The following DDO variants were observed in gnomAD, a reference collection of about 807,000 sequenced individuals.
DDO encodes D-aspartate oxidase, DDO.
In DDO, 16 loss-of-function variants were observed where a neutral mutation model predicts 16.8. The ratio of observed to expected loss-of-function variants is 0.95; its 90% CI spans 0.65 to 1.45. The LOEUF (loss-of-function observed/expected upper bound fraction) is 1.45. Ranked by LOEUF, DDO falls within the 40% of genes most tolerant of loss-of-function variation. DDO has a pLI of 0.00. For synonymous variants in DDO, 180 were observed against 167.2 expected (o/e 1.08, Z -0.59); for missense variants, 429 against 420.3 (o/e 1.02, Z -0.18).
chr6:110,396,434 C>T (rs1005408027), intron 4 of DDO, among the ~76,000 whole-genome samples: 2 of 152,206 alleles, frequency 1.3e-5, no homozygotes, highest in Admixed American at 6.5e-5. Context: ...ATCACATGAA[C>T]CTGCACTGCA....
chr6:110,402,710 G>C (rs941166769), intron 4 of DDO, among the ~76,000 whole-genome samples: 1 of 152,128 alleles, frequency 6.6e-6, no homozygotes, highest in African/African-American at 2.4e-5. Flanking sequence ...AAAAGAAAGC[G>C]AAAATAATGA....
chr6:110,408,328 A>G lies in DDO; in HGVS notation c.281+6T>C, dbSNP rs1773726201. 1 of 1,613,044 alleles carries G rather than the reference A, an allele frequency of 6.2e-7. No individual in the cohort carries two copies. Reference sequence around the variant, plus strand: ...CTCTAAAATAACTTCAAATTTCTTCACTTACCCTGATACCAAATGAACACC... The same window carrying G: ...CTCTAAAATAACTTCAAATTTCTTCGCTTACCCTGATACCAAATGAACACC... On this transcript the variant is annotated splice_donor_region_variant and intron_variant, in intron 3 of 4. Transcript: ENST00000368924.
chr6:110,406,797 C>G (rs12202801), intron 3 of DDO, among the ~76,000 whole-genome samples: 17,941 of 150,322 alleles, frequency 0.12, 1,286 homozygotes, highest in Middle Eastern at 0.18. Context: ...CTGATGGTCT[C>G]GGATGAAACA....
At chr6:110,407,897 C>G (rs1773710068) in intron 3 of DDO, among the ~76,000 whole-genome samples, 1 of 152,286 alleles carries the variant, frequency 6.6e-6, no homozygotes, top group East Asian at 1.9e-4. Flanking sequence ...AAATTTCCTT[C>G]TTTGGAATAT....
chr6:110,409,424 G>A (rs546717621), intron 2 of DDO, among the ~76,000 whole-genome samples: 1 of 152,274 alleles, frequency 6.6e-6, no homozygotes, highest in South Asian at 2.1e-4. Flanking sequence ...GGAGATGAGG[G>A]AACTGAGGCA....
intron 4 of DDO, among the ~76,000 whole-genome samples, chr6:110,397,411 A>G (rs1773326420): frequency 6.6e-6 from 1 of 152,144 alleles, no homozygotes; most frequent in African/African-American, 2.4e-5. Flanking sequence ...AAATTCTTAC[A>G]TTGTAGATTC....
chr6:110,392,367 A>G lies in DDO; in HGVS notation c.*408T>C. The G allele has an allele frequency of 1.0e-6, 1 of 989,042 alleles. No individual in the cohort carries two copies. The highest frequency in any genetic ancestry group is 1.2e-6 in the Non-Finnish European group (1 of 832,570). The allele number at this position is 989,042 out of a possible 1,614,324, so 61.3% of individuals were successfully genotyped here. A position where few individuals can be genotyped will look rare whatever the true frequency, so the allele number is the denominator to read the frequency against. ...TTCCAACATTCATATAAATCTGCAT[A>G]GGTCCTTGGACATCAGTTCTAAATA... is the stretch of plus-strand genomic sequence containing the variant. On this transcript the variant is annotated 3_prime_UTR_variant, in exon 5 of 5. Transcript: ENST00000368924.
chr6:110,410,322 C>A (rs1773810336), intron 2 of DDO, among the ~76,000 whole-genome samples: 1 of 152,240 alleles, frequency 6.6e-6, no homozygotes, highest in Non-Finnish European at 1.5e-5. Context: ...CCATGACTAG[C>A]TGGCAGCCTT....
At chr6:110,404,746 G>A (rs1562262886) in intron 4 of DDO, 28 bp downstream of exon 4, 1 of 1,609,908 alleles carries the variant, frequency 6.2e-7, no homozygotes, top group Non-Finnish European at 8.5e-7. Flanking sequence ...TGACAGATAA[G>A]GAAATATCAG....
chr6:110,399,139 G>C (rs1773389641), intron 4 of DDO, among the ~76,000 whole-genome samples: 1 of 152,192 alleles, frequency 6.6e-6, no homozygotes, highest in African/African-American at 2.4e-5. Flanking sequence ...TTCAAACTCT[G>C]TGGGGTTTTT....
At chr6:110,402,259 T>C (rs1443904173) in intron 4 of DDO, among the ~76,000 whole-genome samples, 4 of 152,232 alleles carry the variant, frequency 2.6e-5, no homozygotes, top group Non-Finnish European at 5.9e-5. Flanking sequence ...ATTGGCAGAA[T>C]ATGAATAAGG....
chr6:110,401,569 G>T (rs905193199), intron 4 of DDO, among the ~76,000 whole-genome samples: 1 of 151,870 alleles, frequency 6.6e-6, no homozygotes, highest in Admixed American at 6.6e-5. Context: ...TCAAAATGAT[G>T]GGGGGGATAA....
In DDO at chr6:110,392,461, C is replaced by T; in HGVS notation, c.*314G>A. ...TATGCCCTATGCCATTAATGCTGGA[C>T]TTCCTAAGTAAGCCTACATGTTGCA... On this transcript the variant is annotated 3_prime_UTR_variant, in exon 5 of 5. Coordinates refer to ENST00000368924, the MANE Select transcript of DDO (RefSeq NM_001372108.2). The T allele has an allele frequency of 9.4e-7, 1 of 1,068,314 alleles. No individual in the cohort carries two copies. Among genetic ancestry groups the T allele is most frequent in the Non-Finnish European group, 1.1e-6 (1 of 885,202 alleles). 66.2% of individuals were successfully genotyped at this position (1,068,314 alleles called of 1,614,324 possible).
chr6:110,405,475 T>G (rs1210963679), intron 3 of DDO, among the ~76,000 whole-genome samples: 1 of 152,232 alleles, frequency 6.6e-6, no homozygotes, highest in Admixed American at 6.5e-5. Context: ...AAAAGTAACA[T>G]GCTTTTTAAA....
chr6:110,392,866 G>A lies in DDO; in HGVS notation c.935C>T (p.Ser312Leu). ...CTCCAGAGCAGTGCCCCAGTGCACT[G>A]AGATGCCCCCACTCCCATGGCCATA... ...HHYGHGSGGI[S>L]VHWGTALEAA... Residue 312 changes from serine to leucine, a missense_variant, in exon 5 of 5, where the codon TCA becomes TTA. Transcript: ENST00000368924. 6.2e-7 allele frequency: 1 copy of A among 1,614,136 alleles called. No individual in the cohort carries two copies. The highest frequency in any genetic ancestry group is 8.5e-7 in the Non-Finnish European group (1 of 1,180,034).
chr6:110,389,368 C>G (rs1773064325), downstream of DDO, among the ~76,000 whole-genome samples: 1 of 152,232 alleles, frequency 6.6e-6, no homozygotes, highest in Non-Finnish European at 1.5e-5. Flanking sequence ...TGAGCCAACA[C>G]TCATAAGAAA....
rs756849278 is a variant in DDO at position 110,404,903 on chromosome 6, G to T, written c.329C>A (p.Ala110Asp). The T allele has an allele frequency of 1.9e-6, 3 of 1,614,224 alleles. No individual in the cohort carries two copies. The highest frequency in any genetic ancestry group is 2.2e-5 in the East Asian group (1 of 44,888). ...CTTTCGAAATCCCAGAACCACGTCA[G>T]CCCAGAATGGCACTTCTTCAGTCGG... ...STPTEEVPFW[A>D]DVVLGFRKMT... Residue 110 changes from alanine (A) to aspartate (D), a missense_variant, in exon 4 of 5, where the codon GCT becomes GAT. By Grantham distance (126) the Ala-to-Asp change is moderately radical (BLOSUM62 -2). Transcript: ENST00000368924.
In DDO at chr6:110,392,505, G is replaced by T. The variant is rs1409797655; in HGVS notation, c.*270C>A. 1.7e-6 allele frequency: 2 copies of T among 1,152,218 alleles called. No homozygotes were observed. Among genetic ancestry groups the T allele is most frequent in the African/African-American group, 3.2e-5 (2 of 62,610 alleles). 71.4% of individuals were successfully genotyped at this position (1,152,218 alleles called of 1,614,324 possible). On this transcript the variant is annotated 3_prime_UTR_variant, in exon 5 of 5. Coordinates refer to ENST00000368924, the MANE Select transcript of DDO (RefSeq NM_001372108.2). ...TGTTGCATCATTTCTTTTGTTGTTG[G>T]TGTTTTTTTTAGAGGTGGGAACTGG... is the stretch of plus-strand genomic sequence containing the variant.
chr6:110,394,272 T>C (rs939437947), intron 4 of DDO, among the ~76,000 whole-genome samples: 1 of 152,036 alleles, frequency 6.6e-6, no homozygotes, highest in African/African-American at 2.4e-5. Context: ...GCCCGGCTAA[T>C]TTTTTTGTAT....
Sources: gnomAD v4.1 joint callset for allele counts (sites outside exome capture counted in the v4.1 genomes callset) on GRCh38, gnomAD v4.1.1 for gene constraint, MANE v1.5 for transcripts, NCBI Gene and HGNC (gene_info 2026-07-23, HGNC 2026-07-21) for gene names.